Variants in CNTLN observed in about 807,000 individuals in gnomAD.
The protein encoded by CNTLN is centlein, also known as centlein, centrosomal protein.
A neutral mutation model predicts 180.0 loss-of-function variants in CNTLN; 212 were observed. The ratio of observed to expected loss-of-function variants is 1.18; its 90% CI spans 1.05 to 1.32. The LOEUF (loss-of-function observed/expected upper bound fraction) is 1.32, where lower values mean the gene tolerates loss of function less well. Among genes scored for constraint, CNTLN ranks in the 40% most tolerant of loss-of-function variants. The pLI is 0.00. For missense variants in CNTLN, 2,095 were observed against 1,610.9 expected, an observed-to-expected ratio of 1.30 and a Z score of -5.14; for synonymous variants, 722 against 563.1, an observed-to-expected ratio of 1.28 and a Z score of -3.99.
At chr9:17,146,592 A>G (rs1246774310) in intron 2 of CNTLN, among the ~76,000 whole-genome samples, 4 of 152,158 alleles carry the variant, frequency 2.6e-5, no homozygotes, top group Non-Finnish European at 5.9e-5. Flanking sequence ...TGTCATTTAC[A>G]TGGAACAGAC....
rs186911527 is a variant in CNTLN at position 17,137,596 on chromosome 9, C to G, written c.360+2171C>G. On this transcript the variant is annotated intron_variant, in intron 1 of 25. Coordinates refer to ENST00000380647, the MANE Select transcript of CNTLN (RefSeq NM_017738.4). ...GGGCTGATATTTTTTCAGTTCTATT[C>G]CTTTAAAAAATGCTGTCCAGATCTA... Among the ~76,000 whole-genome samples, 3 of 152,238 alleles carry G rather than the reference C, an allele frequency of 2.0e-5. 1 individual carries two copies. The highest frequency in any genetic ancestry group is 1.3e-4 in the Admixed American group (2 of 15,282).
intron 6 of CNTLN, among the ~76,000 whole-genome samples, chr9:17,277,648 A>C (rs1426882042): frequency 2.0e-5 from 3 of 152,114 alleles, no homozygotes; most frequent in African/African-American, 7.2e-5. Flanking sequence ...AAAATAATTT[A>C]TATATAGTTT....
intron 2 of CNTLN, among the ~76,000 whole-genome samples, chr9:17,184,451 A>C (rs973647845): frequency 1.3e-5 from 2 of 152,228 alleles, no homozygotes; most frequent in African/African-American, 4.8e-5. Flanking sequence ...TACGTTATGC[A>C]TAAGATGTTA....
chr9:17,267,518 T>G (rs556681452), intron 5 of CNTLN, among the ~76,000 whole-genome samples: 172 of 152,160 alleles, frequency 1.1e-3, no homozygotes, highest in African/African-American at 4.0e-3. Context: ...TTATGTGTCT[T>G]GGAGTTGCTC....
intron 13 of CNTLN, among the ~76,000 whole-genome samples, chr9:17,378,324 C>A (rs1050271600): frequency 7.2e-5 from 11 of 152,094 alleles, no homozygotes; most frequent in South Asian, 4.1e-4. Flanking sequence ...GGATTACAGG[C>A]ATGCACCACC....
Position 17,143,305 on chromosome 9 carries a change from A to G in CNTLN, c.378A>G (p.Val126=), listed in dbSNP as rs373400738. 318 of 1,612,928 alleles carry G rather than the reference A, an allele frequency of 2.0e-4. No homozygotes were observed. Among genetic ancestry groups the G allele is most frequent in the Non-Finnish European group, 2.6e-4 (306 of 1,179,358 alleles). ...TCTTTAAGGCTGATAAAGAATTTGT[A>G]TGGTCTTTGTGGAAACGTCTCCAGG... ...LALCQADKEF[V]WSLWKRLQVT... The change falls in exon 2 of 26, where the codon GTA becomes GTG. Residue 126 remains valine, a synonymous_variant. Transcript: ENST00000380647.
the CNTLN span, among the ~76,000 whole-genome samples, chr9:17,512,410 C>T: frequency 2.0e-5 from 3 of 152,156 alleles, no homozygotes; most frequent in Non-Finnish European, 4.4e-5. Flanking sequence ...AAATGAATTA[C>T]TGCAGGAACA....
intron 13 of CNTLN, among the ~76,000 whole-genome samples, chr9:17,369,959 C>T (rs1824167008): frequency 6.6e-6 from 1 of 150,820 alleles, no homozygotes; most frequent in Admixed American, 6.6e-5. Flanking sequence ...TGCACTCCAG[C>T]CTGGTGACAA....
chr9:17,250,455 A>T (rs1826069298), intron 5 of CNTLN, among the ~76,000 whole-genome samples: 1 of 151,338 alleles, frequency 6.6e-6, no homozygotes, highest in South Asian at 2.1e-4. Context: ...TGCTTTCCTT[A>T]GTTGATTTTT....
the CNTLN span, among the ~76,000 whole-genome samples, chr9:17,522,476 A>T: frequency 6.6e-6 from 1 of 152,146 alleles, no homozygotes; most frequent in Non-Finnish European, 1.5e-5. Flanking sequence ...TTCACACCAA[A>T]TATGAAATCC....
intron 3 of CNTLN, among the ~76,000 whole-genome samples, chr9:17,235,394 A>G (rs1825078136): frequency 6.6e-6 from 1 of 152,094 alleles, no homozygotes; most frequent in South Asian, 2.1e-4. Context: ...TACACACCTA[A>G]ATTTTGAAAA....
chr9:17,319,373 C>T (rs530751438), intron 8 of CNTLN, among the ~76,000 whole-genome samples: 11 of 152,094 alleles, frequency 7.2e-5, no homozygotes, highest in Admixed American at 3.3e-4. Context: ...GCTGGTCTAG[C>T]GATCATACTT....
chr9:17,431,935 A>G (rs867875901), intron 18 of CNTLN, among the ~76,000 whole-genome samples: 3 of 152,228 alleles, frequency 2.0e-5, no homozygotes, highest in African/African-American at 4.8e-5. Flanking sequence ...ACTTCTCTGC[A>G]TGCTTAGGGA....
At chr9:17,527,630 G>A in the CNTLN span, among the ~76,000 whole-genome samples, 1 of 152,090 alleles carries the variant, frequency 6.6e-6, no homozygotes, top group Non-Finnish European at 1.5e-5. Flanking sequence ...AATTAGAGTT[G>A]GCAATATCAG....
chr9:17,340,791 C>T, intron 10 of CNTLN, 36 bp from the exon 11 acceptor site: 3 of 1,557,030 alleles, frequency 1.9e-6, no homozygotes, highest in Non-Finnish European at 2.6e-6. Flanking sequence ...ATACTTTCTT[C>T]AAACTTATAT....
intron 10 of CNTLN, among the ~76,000 whole-genome samples, chr9:17,336,302 A>G (rs905672424): frequency 6.6e-6 from 1 of 152,220 alleles, no homozygotes; most frequent in African/African-American, 2.4e-5. Context: ...ATTTTAAGAT[A>G]TCCAACTTTT....
chr9:17,294,131 C>T (rs1463844379), intron 6 of CNTLN, among the ~76,000 whole-genome samples: 3 of 152,160 alleles, frequency 2.0e-5, no homozygotes, highest in African/African-American at 7.2e-5. Context: ...AAGCTGCAGA[C>T]CTTCGAGTGT....
the CNTLN span, among the ~76,000 whole-genome samples, chr9:17,524,196 ATTTG>A: frequency 2.6e-5 from 4 of 152,128 alleles, no homozygotes; most frequent in East Asian, 1.9e-4. Context: ...TATTTTATTT[ATTTG>A]TTTGTTTTGT....
At chr9:17,493,900 C>A (rs1328285405) in intron 25 of CNTLN, among the ~76,000 whole-genome samples, 1 of 152,160 alleles carries the variant, frequency 6.6e-6, no homozygotes, top group African/African-American at 2.4e-5. Context: ...CTTACAATGG[C>A]TTATAGTCAG....
Sources: gnomAD v4.1 joint callset for allele counts (sites outside exome capture counted in the v4.1 genomes callset) on GRCh38, gnomAD v4.1.1 for gene constraint, MANE v1.5 for transcripts, NCBI Gene and HGNC (gene_info 2026-07-23, HGNC 2026-07-21) for gene names.